The following ZNF385D variants were observed in gnomAD, a reference collection of about 807,000 sequenced individuals.
ZNF385D encodes zinc finger protein 659.
Under a neutral mutation model 35.8 loss-of-function variants are expected in ZNF385D, and 15 were observed. The observed-to-expected ratio is 0.42, with a 90% CI of 0.28 to 0.64. The LOEUF (loss-of-function observed/expected upper bound fraction) is 0.64, where lower values mean the gene tolerates loss of function less well. ZNF385D is among the 30% of genes least tolerant of loss of function. The pLI is 0.23. For synonymous variants in ZNF385D, 212 were observed against 186.8 expected (o/e 1.13, Z -1.10); for missense variants, 474 against 494.6 (o/e 0.96, Z 0.39).
chr3:22,133,372 G>T (rs1210882447), intron 3 of ZNF385D, among the ~76,000 whole-genome samples: 1 of 151,992 alleles, frequency 6.6e-6, no homozygotes, highest in Non-Finnish European at 1.5e-5. Context: ...TCTATATGGG[G>T]TGTGCCTGTG....
At chr3:22,056,678 A>G (rs1699419938) in intron 3 of ZNF385D, among the ~76,000 whole-genome samples, 1 of 152,222 alleles carries the variant, frequency 6.6e-6, no homozygotes, top group African/African-American at 2.4e-5. Flanking sequence ...TACATCAGCT[A>G]TTGCCATAAT....
At chr3:21,585,960 A>G (rs1018262438) in intron 2 of ZNF385D, among the ~76,000 whole-genome samples, 1 of 152,152 alleles carries the variant, frequency 6.6e-6, no homozygotes, top group African/African-American at 2.4e-5. Context: ...CTTGAAGCCA[A>G]GAGTCCAAGA....
intron 2 of ZNF385D, among the ~76,000 whole-genome samples, chr3:22,196,719 A>C (rs1195854110): frequency 2.6e-5 from 4 of 152,012 alleles, no homozygotes; most frequent in Non-Finnish European, 4.4e-5. Context: ...ATTTATTACA[A>C]TTCTACATTT....
chr3:21,816,808 T>C (rs2073168530), intron 3 of ZNF385D, among the ~76,000 whole-genome samples: 1 of 152,192 alleles, frequency 6.6e-6, no homozygotes, highest in Non-Finnish European at 1.5e-5. Context: ...TCCCAATGAC[T>C]TTCTTCACAG....
intron 4 of ZNF385D, among the ~76,000 whole-genome samples, chr3:21,463,868 A>T (rs1379824450): frequency 6.6e-6 from 1 of 151,010 alleles, no homozygotes; most frequent in African/African-American, 2.4e-5. Flanking sequence ...AATATAGTGT[A>T]CTCTTAGGAG....
At chr3:21,444,327 A>C (rs1385122176) in intron 4 of ZNF385D, among the ~76,000 whole-genome samples, 1 of 147,614 alleles carries the variant, frequency 6.8e-6, no homozygotes, top group African/African-American at 2.5e-5. Context: ...CGATCTGCCC[A>C]CCTTGGTCTC....
At chr3:22,275,119 T>C (rs1701363527) in intron 2 of ZNF385D, among the ~76,000 whole-genome samples, 1 of 152,140 alleles carries the variant, frequency 6.6e-6, no homozygotes, top group African/African-American at 2.4e-5. Flanking sequence ...TAAAGATAAA[T>C]GCTTCAACTA....
At chr3:21,435,167 G>GAA (rs982362718) in intron 5 of ZNF385D, among the ~76,000 whole-genome samples, 14 of 151,602 alleles carry the variant, frequency 9.2e-5, no homozygotes, top group Admixed American at 4.6e-4. Context: ...AGTAGAATAG[G>GAA]AAAAATGTTG....
At chr3:21,514,352 G>C (rs377121495) in intron 3 of ZNF385D, among the ~76,000 whole-genome samples, 5 of 152,022 alleles carry the variant, frequency 3.3e-5, no homozygotes. Flanking sequence ...AAGCAGAATC[G>C]AGTGATCATA....
At chr3:22,327,422 T>A (rs893748457) in intron 2 of ZNF385D, among the ~76,000 whole-genome samples, 4 of 152,062 alleles carry the variant, frequency 2.6e-5, no homozygotes, top group African/African-American at 9.7e-5. Flanking sequence ...TGGGCCTACA[T>A]TAACTAACCC....
rs192000531 is a variant in ZNF385D at position 22,178,682 on chromosome 3, T to A, written c.107-9647A>T. On this transcript the variant is annotated intron_variant, in intron 2 of 5. Transcript: ENST00000494108. ...CCCCATGCCTATGTCCTGAATGGTATTGCCTAGGTTTTCTTCTAGGGTTTT... is the reference window on the plus strand; with the variant it reads ...CCCCATGCCTATGTCCTGAATGGTAATGCCTAGGTTTTCTTCTAGGGTTTT... 7.2e-3 allele frequency among the ~76,000 whole-genome samples: 1,091 copies of A among 152,312 alleles called. 13 individuals carry two copies. The highest frequency in any genetic ancestry group is 0.024 in the African/African-American group (1,004 of 41,570).
chr3:21,602,655 C>A (rs1384649165), intron 2 of ZNF385D, among the ~76,000 whole-genome samples: 1 of 150,080 alleles, frequency 6.7e-6, no homozygotes, highest in East Asian at 2.0e-4. Context: ...GCCTCAGCCT[C>A]CCGAGTAGCT....
At chr3:22,001,113 T>G (rs1695817643) in intron 3 of ZNF385D, among the ~76,000 whole-genome samples, 1 of 151,778 alleles carries the variant, frequency 6.6e-6, no homozygotes, top group Non-Finnish European at 1.5e-5. Flanking sequence ...CAGAAAGCAA[T>G]TAACAAAAGG....
intron 3 of ZNF385D, among the ~76,000 whole-genome samples, chr3:21,794,417 A>C (rs1303236327): frequency 1.3e-5 from 2 of 152,122 alleles, no homozygotes; most frequent in Non-Finnish European, 2.9e-5. Flanking sequence ...AACACAGTGG[A>C]TTAGAAAGTT....
At chr3:22,172,498 G>A (rs6550668) in intron 2 of ZNF385D, among the ~76,000 whole-genome samples, 72,985 of 152,012 alleles carry the variant, frequency 0.48, 17,793 homozygotes, top group Middle Eastern at 0.62. Context: ...CTGTTCTGAC[G>A]TAAGCTGAAA....
At chr3:21,997,872 C>A (rs2021235) in intron 3 of ZNF385D, among the ~76,000 whole-genome samples, 5 of 90,194 alleles carry the variant, frequency 5.5e-5, no homozygotes, top group African/African-American at 2.3e-4. Flanking sequence ...CGCGCGCGCG[C>A]GTGTGTGTGT....
chr3:22,322,539 C>T (rs185537256), intron 2 of ZNF385D, among the ~76,000 whole-genome samples: 35 of 152,242 alleles, frequency 2.3e-4, no homozygotes, highest in African/African-American at 8.4e-4. Flanking sequence ...CAGTCTATCC[C>T]AATCTTTTCT....
intron 3 of ZNF385D, among the ~76,000 whole-genome samples, chr3:22,078,287 C>T (rs1178156560): frequency 6.6e-6 from 1 of 151,890 alleles, no homozygotes; most frequent in African/African-American, 2.4e-5. Flanking sequence ...AATATGTTGA[C>T]AAATTAAACG....
In ZNF385D at chr3:21,736,364, AT is replaced by A. The variant is rs1345580775; in HGVS notation, c.22+14530del. ...GCCTATTGTGTGCTAAATAAAAATT[AT>A]TTTTTTAAAAAGTATGGAATTAGAA... On this transcript the variant is annotated intron_variant, in intron 1 of 7. Coordinates refer to ENST00000281523, the MANE Select transcript of ZNF385D (RefSeq NM_024697.3). 5.3e-5 allele frequency among the ~76,000 whole-genome samples: 8 copies of A among 152,302 alleles called. 1 individual carries two copies. The South Asian group carries it at 1.7e-3, about 32-fold the overall frequency.
Sources: gnomAD v4.1 joint callset for allele counts (sites outside exome capture counted in the v4.1 genomes callset) on GRCh38, gnomAD v4.1.1 for gene constraint, MANE v1.5 for transcripts, NCBI Gene and HGNC (gene_info 2026-07-23, HGNC 2026-07-21) for gene names.